CTNNA2: variants seen among roughly 807,000 people sequenced by gnomAD.
CTNNA2 encodes the protein catenin alpha-2.
CTNNA2 carries 42 observed loss-of-function variants against 101.0 expected under a neutral mutation model. The ratio of observed to expected loss-of-function variants is 0.42; its 90% CI spans 0.32 to 0.54. The LOEUF (loss-of-function observed/expected upper bound fraction) is 0.54. Ranked by LOEUF, CTNNA2 falls within the 20% of genes least tolerant of loss-of-function variation. The probability of loss-of-function intolerance (pLI) is 0.14; values close to 1 mark genes in which losing one functional copy is unlikely to be tolerated. For synonymous variants in CTNNA2, 450 were observed against 456.4 expected (o/e 0.99, Z 0.18); for missense variants, 871 against 1,223.1 (o/e 0.71, Z 4.29).
chr2:79,838,157 T>C (rs932822227), intron 3 of CTNNA2, among the ~76,000 whole-genome samples: 5 of 152,136 alleles, frequency 3.3e-5, no homozygotes, highest in Non-Finnish European at 7.4e-5. Context: ...GTGAACCAAA[T>C]ATTAAAATTA....
intron 3 of CTNNA2, among the ~76,000 whole-genome samples, chr2:79,808,608 A>G (rs1676761341): frequency 1.3e-5 from 2 of 152,136 alleles, no homozygotes. Context: ...TTTATGAATC[A>G]TGATTTTGGT....
chr2:79,888,873 A>ATT (rs1452925902), intron 6 of CTNNA2, among the ~76,000 whole-genome samples: 4 of 152,196 alleles, frequency 2.6e-5, no homozygotes, highest in Non-Finnish European at 5.9e-5. Context: ...GGCAAGTATA[A>ATT]TTTTGATTGT....
chr2:80,010,436 G>A (rs1693693520), intron 7 of CTNNA2, among the ~76,000 whole-genome samples: 1 of 152,054 alleles, frequency 6.6e-6, no homozygotes, highest in African/African-American at 2.4e-5. Flanking sequence ...CTCCTGAGTA[G>A]CCGGGACTAC....
In CTNNA2 at chr2:80,060,895, G is replaced by A. The variant is rs948694240; in HGVS notation, c.1056+151098G>A. 2.6e-5 allele frequency among the ~76,000 whole-genome samples: 4 copies of A among 152,226 alleles called. No homozygotes were observed. In the East Asian group the frequency reaches 7.8e-4, roughly 30 times the overall value. On this transcript the variant is annotated intron_variant, in intron 7 of 18. Transcript: ENST00000402739. The stretch of plus-strand genomic sequence containing the variant: ...GGTTGAAGGAAGCTGCTTTGCCCAG[G>A]GTTATATGAACCCACATCCAGTGGC...
intron 2 of CTNNA2, among the ~76,000 whole-genome samples, chr2:79,658,979 A>C (rs913005049): frequency 6.6e-6 from 1 of 152,070 alleles, no homozygotes; most frequent in Non-Finnish European, 1.5e-5. Flanking sequence ...TTAAAAGTTA[A>C]AATTTCAATT....
At chr2:80,034,352 TTC>T (rs202039101) in intron 7 of CTNNA2, among the ~76,000 whole-genome samples, 53,390 of 124,660 alleles carry the variant, frequency 0.43, 10,468 homozygotes, top group East Asian at 0.81. Flanking sequence ...TCATTTTTTT[TTC>T]TTTTTTTTTT....
At chr2:80,348,076 A>G (rs1672936235) in intron 7 of CTNNA2, among the ~76,000 whole-genome samples, 1 of 152,086 alleles carries the variant, frequency 6.6e-6, no homozygotes, top group South Asian at 2.1e-4. Flanking sequence ...CAGAACCAGA[A>G]TGCATCTCAG....
intron 7 of CTNNA2, among the ~76,000 whole-genome samples, chr2:79,979,304 G>A (rs1004875596): frequency 1.3e-5 from 2 of 152,224 alleles, no homozygotes; most frequent in South Asian, 2.1e-4. Flanking sequence ...GGTTGCTTGA[G>A]CCCAGGAGTT....
intron 18 of CTNNA2, among the ~76,000 whole-genome samples, chr2:80,634,907 G>C (rs1003892967): frequency 6.6e-6 from 1 of 152,094 alleles, no homozygotes. Flanking sequence ...AGATGAAGAG[G>C]CATGCACGAG....
intron 12 of CTNNA2, among the ~76,000 whole-genome samples, chr2:80,568,171 C>G (rs1694235217): frequency 6.6e-6 from 1 of 152,136 alleles, no homozygotes; most frequent in South Asian, 2.1e-4. Flanking sequence ...TCTGAAAGGT[C>G]CCTACAGACC....
intron 1 of CTNNA2, among the ~76,000 whole-genome samples, chr2:79,628,486 C>T (rs547838484): frequency 1.6e-4 from 25 of 151,998 alleles, no homozygotes; most frequent in Admixed American, 9.8e-4. Flanking sequence ...CTTCAATATC[C>T]GGTTGTCAAC....
chr2:80,584,568 G>A (rs950320740), intron 14 of CTNNA2, among the ~76,000 whole-genome samples: 29 of 152,058 alleles, frequency 1.9e-4, no homozygotes, highest in African/African-American at 7.0e-4. Context: ...GTCTGGCATA[G>A]TTAAAATAGG....
intron 12 of CTNNA2, among the ~76,000 whole-genome samples, chr2:80,562,180 A>G (rs1351878431): frequency 6.6e-6 from 1 of 152,166 alleles, no homozygotes; most frequent in African/African-American, 2.4e-5. Flanking sequence ...TCATTCAGAC[A>G]GGGTTGACCA....
intron 1 of CTNNA2, among the ~76,000 whole-genome samples, chr2:79,603,939 C>T (rs1294332586): frequency 6.6e-6 from 1 of 152,068 alleles, no homozygotes; most frequent in Non-Finnish European, 1.5e-5. Flanking sequence ...CATGAAAGCT[C>T]CATAGCCTGA....
At chr2:79,365,755 CCTT>C (rs1573124983) in intron 3 of CTNNA2, among the ~76,000 whole-genome samples, 1 of 151,668 alleles carries the variant, frequency 6.6e-6, no homozygotes, top group East Asian at 1.9e-4. Context: ...GAATGTGACT[CCTT>C]CTTTGTGGTT....
chr2:80,114,198 G>A (rs571259049), intron 7 of CTNNA2, among the ~76,000 whole-genome samples: 1 of 152,144 alleles, frequency 6.6e-6, no homozygotes, highest in Non-Finnish European at 1.5e-5. Context: ...AAAATATCTG[G>A]TAACTTGTGT....
At chr2:79,940,453 C>G (rs1289800379) in intron 7 of CTNNA2, among the ~76,000 whole-genome samples, 1 of 152,176 alleles carries the variant, frequency 6.6e-6, no homozygotes, top group Non-Finnish European at 1.5e-5. Flanking sequence ...ATACTCATTG[C>G]TGCTATTATA....
At chr2:79,696,779 T>C (rs535049425) in intron 2 of CTNNA2, among the ~76,000 whole-genome samples, 12 of 152,180 alleles carry the variant, frequency 7.9e-5, no homozygotes, top group African/African-American at 1.4e-4. Context: ...TCATCTCTAA[T>C]CTTTAGAGTA....
At chr2:79,763,072 A>G (rs1672907964) in intron 3 of CTNNA2, among the ~76,000 whole-genome samples, 1 of 152,182 alleles carries the variant, frequency 6.6e-6, no homozygotes, top group Non-Finnish European at 1.5e-5. Flanking sequence ...CTTAGAAACT[A>G]TTCTTTTATT....
Sources: allele counts gnomAD v4.1 joint callset (sites outside exome capture counted in the v4.1 genomes callset), GRCh38; gene constraint gnomAD v4.1.1; transcripts MANE v1.5; gene names NCBI Gene and HGNC (gene_info 2026-07-23, HGNC 2026-07-21).